The following DEF6 variants were observed in gnomAD, a reference collection of about 807,000 sequenced individuals.
DEF6 encodes differentially expressed in FDCP 6 homolog.
In DEF6, 32 loss-of-function variants were observed where a neutral mutation model predicts 80.5. That is an observed-to-expected ratio of 0.40 (90% CI 0.30 to 0.53). The LOEUF (loss-of-function observed/expected upper bound fraction) is 0.53. DEF6 is among the 20% of genes least tolerant of loss of function. The probability of loss-of-function intolerance (pLI) is 0.57; values close to 1 mark genes in which losing one functional copy is unlikely to be tolerated. For synonymous variants in DEF6, 300 were observed against 337.9 expected (o/e 0.89, Z 1.23); for missense variants, 575 against 818.7 (o/e 0.70, Z 3.63).
At chr6:35,309,893 A>C in intron 2 of DEF6, 83 bp downstream of exon 2, 7 of 1,499,118 alleles carry the variant, frequency 4.7e-6, no homozygotes, top group Admixed American at 1.9e-5. Context: ...TGCCACTCCA[A>C]CTCTTCGCCC....
rs553116694 is a variant in DEF6 at position 35,310,762 on chromosome 6, T to G, written c.423+118T>G. 4.1e-5 allele frequency: 43 copies of G among 1,056,372 alleles called. No homozygotes were observed. The African/African-American group carries it at 5.2e-4, about 13-fold the overall frequency. The allele number at this position is 1,056,372 out of a possible 1,614,324, so 65.4% of individuals were successfully genotyped here. ...ATATCCCCTTTCTTTCTTTACCATC[T>G]TCCCATGCTGGTATCTGTCCTCACC... On this transcript the variant is annotated intron_variant, in intron 3 of 10. Transcript: ENST00000316637.
chr6:35,311,994 A>G (rs148780027), intron 3 of DEF6, among the ~76,000 whole-genome samples: 1 of 152,074 alleles, frequency 6.6e-6, no homozygotes, highest in Non-Finnish European at 1.5e-5. Context: ...CTCCCTTGAC[A>G]CTTTCTGTGA....
Position 35,321,293 on chromosome 6 carries a change from C to A in DEF6, c.1779C>A (p.Asn593Lys). 6.2e-7 allele frequency: 1 copy of A among 1,614,102 alleles called. No homozygotes were observed. The highest frequency in any genetic ancestry group is 8.5e-7 in the Non-Finnish European group (1 of 1,180,012). Reference protein sequence around the residue: ...KRLTRWGSQGNRTPSPNSNEQ... With the variant: ...KRLTRWGSQGKRTPSPNSNEQ... ...TGACCCGCTGGGGATCCCAGGGCAA[C>A]AGGACCCCCTCGCCCAACAGCAATG... is the stretch of plus-strand genomic sequence containing the variant. The change falls in exon 11 of 11, where the codon AAC (asparagine) becomes AAA (lysine). Residue 593 changes from asparagine (N) to lysine (K), a missense_variant. Physicochemically the swap from Asn to Lys is moderately conservative, Grantham distance 94. Transcript: ENST00000316637.
At chr6:35,310,788 C>T in intron 3 of DEF6, 144 bp downstream of exon 3, 2 of 874,604 alleles carry the variant, frequency 2.3e-6, no homozygotes, top group Non-Finnish European at 3.5e-6. Flanking sequence ...TGTCCTCACC[C>T]AGCTGTCTCC....
intron 1 of DEF6, among the ~76,000 whole-genome samples, chr6:35,304,914 C>A (rs779485276): frequency 5.3e-5 from 8 of 151,246 alleles, no homozygotes; most frequent in Non-Finnish European, 7.4e-5. Context: ...ATATATTCTC[C>A]TGGTTTAAAA....
In DEF6 at chr6:35,315,879, G is replaced by A. The variant is rs190329000; in HGVS notation, c.808-2012G>A. On this transcript the variant is annotated intron_variant, in intron 5 of 10. Transcript: ENST00000316637. ...TTTTTTTTTTTTTTTTGAGGAGGAG[G>A]AGGAGTCTTGCTTTTATCGCCCAGG... Among the ~76,000 whole-genome samples the A allele has an allele frequency of 6.0e-4, 86 of 143,112 alleles. No homozygotes were observed. The East Asian group carries it at 0.014, about 23-fold the overall frequency. 93.9% of individuals were successfully genotyped at this position (143,112 alleles called of 152,430 possible).
intron 1 of DEF6, among the ~76,000 whole-genome samples, chr6:35,308,336 G>T (rs1030352309): frequency 6.6e-6 from 1 of 151,204 alleles, no homozygotes; most frequent in African/African-American, 2.4e-5. Context: ...TTCAAGGCCA[G>T]CCTGGGCAAC....
At position 35,318,222 on chromosome 6, in the gene DEF6, C is replaced by CA; in HGVS notation, c.968dup (p.Asp324GlyfsTer90). The CA allele has an allele frequency of 6.3e-7, 1 of 1,597,102 alleles. No individual in the cohort carries two copies. Among genetic ancestry groups the CA allele is most frequent in the African/African-American group, 1.3e-5 (1 of 74,084 alleles). On this transcript the variant is annotated frameshift_variant, in exon 7 of 11. Transcript: ENST00000316637. LOFTEE classifies it high-confidence loss of function. This position sits in a 1 kb window ranked among gnomAD's most constrained non-coding sequence, Gnocchi z 5.1. ...AGGCCGAGGGGAAGACGTCCCTACA[C>CA]AAGGACCTGAAGCAGAAACGGCGCG...
chr6:35,320,055 G>A (rs918479529), intron 9 of DEF6, 38 bp downstream of exon 9: 6 of 1,544,218 alleles, frequency 3.9e-6, no homozygotes, highest in Non-Finnish European at 5.3e-6. Flanking sequence ...GGCTGGCAGG[G>A]TGAGCTCATT....
chr6:35,315,233 A>C (rs1270202647), intron 5 of DEF6, among the ~76,000 whole-genome samples: 2 of 152,114 alleles, frequency 1.3e-5, no homozygotes, highest in Admixed American at 6.5e-5. Context: ...TCTGGTGTCC[A>C]GGCTGGAGTG....
Position 35,318,195 on chromosome 6 carries a change from G to A in DEF6, c.939G>A (p.Leu313=). The change falls in exon 7 of 11, where the codon CTG becomes CTA. Residue 313 remains leucine, a synonymous_variant. Transcript: ENST00000316637. This position sits in a 1 kb window ranked among gnomAD's most constrained non-coding sequence, Gnocchi z 5.1. ...WTAAIQMAIR[L]QAEGKTSLHK... ...CAGCCATCCAGATGGCGATCCGGCT[G>A]CAGGCCGAGGGGAAGACGTCCCTAC... 6.4e-7 allele frequency: 1 copy of A among 1,574,410 alleles called. No individual in the cohort carries two copies.
At chr6:35,309,923 C>A in intron 2 of DEF6, 113 bp downstream of exon 2, 8 of 1,270,188 alleles carry the variant, frequency 6.3e-6, no homozygotes, top group Non-Finnish European at 7.7e-6. Flanking sequence ...ACTCCTACTT[C>A]TGCCTGCTCT....
At chr6:35,317,006 A>G (rs1040823108) in intron 5 of DEF6, among the ~76,000 whole-genome samples, 3 of 152,206 alleles carry the variant, frequency 2.0e-5, no homozygotes, top group African/African-American at 7.2e-5. Context: ...TTACTTAGAA[A>G]TGTTTTCAGG....
chr6:35,300,978 G>T (rs1292574948), intron 1 of DEF6, among the ~76,000 whole-genome samples: 1 of 152,100 alleles, frequency 6.6e-6, no homozygotes, highest in Non-Finnish European at 1.5e-5. Context: ...TGTGTCTCTG[G>T]TTTGATGAGG....
At position 35,312,407 on chromosome 6, in the gene DEF6, G is replaced by T. The variant is rs144395191; in HGVS notation, c.529G>T (p.Gly177Trp). 2 of 1,614,104 alleles carry T rather than the reference G, an allele frequency of 1.2e-6. No homozygotes were observed. The highest frequency in any genetic ancestry group is 1.7e-6 in the Non-Finnish European group (2 of 1,180,010). ...AQEAQVAQTT[G>W]GLSVWQFLEL... ...GGAGGCCCAGGTGGCCCAGACCACC[G>T]GGGGGCTCAGCGTCTGGCAGTTCCT... Residue 177 changes from glycine to tryptophan, a missense_variant, in exon 4 of 11, where the codon GGG becomes TGG. By Grantham distance (184) the Gly-to-Trp change is radical. Coordinates refer to ENST00000316637, the MANE Select transcript of DEF6 (RefSeq NM_022047.4). The surrounding 1 kb of genome is among the most constrained non-coding windows in gnomAD (Gnocchi z 6.6).
intron 1 of DEF6, among the ~76,000 whole-genome samples, chr6:35,300,840 A>G (rs1791304896): frequency 6.6e-6 from 1 of 152,186 alleles, no homozygotes; most frequent in Non-Finnish European, 1.5e-5. Context: ...TGTGTGTCCT[A>G]CTGAACACAC....
Position 35,317,966 on chromosome 6 carries a change from T to C in DEF6, c.883T>C (p.Ser295Pro). The C allele has an allele frequency of 6.2e-7, 1 of 1,613,812 alleles. No homozygotes were observed. Among genetic ancestry groups the C allele is most frequent in the South Asian group, 1.1e-5 (1 of 91,050 alleles). ...CAACCGCACGTATGAGATGAGCGCC[T>C]CAGACACGCGCCAGCGCCAGGAGTG... Reference protein sequence around the residue: ...TANRTYEMSASDTRQRQEWTA... With the variant: ...TANRTYEMSAPDTRQRQEWTA... Residue 295 changes from serine to proline, a missense_variant, in exon 6 of 11, where the codon TCA becomes CCA. Physicochemically the swap from Ser to Pro is moderately conservative, Grantham distance 74. Transcript: ENST00000316637.
At position 35,306,403 on chromosome 6, in the gene DEF6, C is replaced by T. The variant is rs566633509; in HGVS notation, c.97-3267C>T. Among the ~76,000 whole-genome samples, 9 of 151,488 alleles carry T rather than the reference C, an allele frequency of 5.9e-5. No individual in the cohort carries two copies. In the South Asian group the frequency reaches 1.7e-3, roughly 28 times the overall value. On this transcript the variant is annotated intron_variant, in intron 1 of 10. Transcript: ENST00000316637. ...GCGGGCGCCTGTAATCTCAGCTCTT[C>T]GGGAAGCCGAGGAAGGAGAAGCACC...
Position 35,321,527 on chromosome 6 carries a change from C to CA in DEF6, c.*117_*118insA. On this transcript the variant is annotated 3_prime_UTR_variant, in exon 11 of 11. Transcript: ENST00000316637. ...GGAGCTGAGGTCCTGGTGCCAGGGG[C>CA]CCAGGCCCTCCAACCATAAACAGTC... 6 of 909,172 alleles carry CA rather than the reference C, an allele frequency of 6.6e-6. No individual in the cohort carries two copies. Among genetic ancestry groups the CA allele is most frequent in the Non-Finnish European group, 9.9e-6 (6 of 603,592 alleles). The allele number at this position is 909,172 out of a possible 1,614,324, so 56.3% of individuals were successfully genotyped here.
Sources: allele counts gnomAD v4.1 joint callset (sites outside exome capture counted in the v4.1 genomes callset), GRCh38; gene constraint gnomAD v4.1.1; non-coding constraint Gnocchi (gnomAD v3.1); transcripts MANE v1.5; gene names NCBI Gene and HGNC (gene_info 2026-07-23, HGNC 2026-07-21).